The following PSME4 variants were observed in gnomAD, a reference collection of about 807,000 sequenced individuals.
PSME4 encodes proteasome activator subunit 4.
PSME4 carries 89 observed loss-of-function variants against 253.9 expected under a neutral mutation model. The observed-to-expected ratio is 0.35, with a 90% CI of 0.30 to 0.42. The LOEUF (loss-of-function observed/expected upper bound fraction) is 0.42, where lower values mean the gene tolerates loss of function less well. Ranked by LOEUF, PSME4 falls within the 10% of genes least tolerant of loss-of-function variation. PSME4 has a pLI of 1.00. For missense variants in PSME4, 2,014 were observed against 2,195.2 expected, an observed-to-expected ratio of 0.92 and a Z score of 1.65; for synonymous variants, 851 against 759.2, an observed-to-expected ratio of 1.12 and a Z score of -1.99.
intron 1 of PSME4, among the ~76,000 whole-genome samples, chr2:53,959,473 C>T (rs755996246): frequency 7.9e-5 from 12 of 152,166 alleles, no homozygotes; most frequent in Non-Finnish European, 1.2e-4. Context: ...CTCTGAACGA[C>T]CCCCTCAATT....
At chr2:53,889,287 T>C (rs1679788422) in intron 37 of PSME4, among the ~76,000 whole-genome samples, 1 of 152,234 alleles carries the variant, frequency 6.6e-6, no homozygotes, top group Non-Finnish European at 1.5e-5. Flanking sequence ...AAGTCTGTTA[T>C]GAAAATGGTG....
chr2:53,963,409 G>A (rs536953009), intron 1 of PSME4, among the ~76,000 whole-genome samples: 2 of 152,136 alleles, frequency 1.3e-5, no homozygotes, highest in South Asian at 4.2e-4. Context: ...CATCCCAAAC[G>A]CCAAAACCAG....
intron 37 of PSME4, among the ~76,000 whole-genome samples, chr2:53,889,122 C>T (rs191162590): frequency 6.6e-6 from 1 of 152,264 alleles, no homozygotes; most frequent in East Asian, 1.9e-4. Flanking sequence ...GCCTCGGCCT[C>T]CCAAAGTTCT....
chr2:53,917,197 C>G (rs1029958757), intron 20 of PSME4: 1 of 155,780 alleles, frequency 6.4e-6, no homozygotes, highest in African/African-American at 2.4e-5. Context: ...AACGCAAAAC[C>G]TTTCAGGCTA....
chr2:53,871,128 T>G (rs1012448800), intron 43 of PSME4, among the ~76,000 whole-genome samples: 1 of 152,226 alleles, frequency 6.6e-6, no homozygotes, highest in African/African-American at 2.4e-5. Context: ...ACATTTTTGT[T>G]TTGTGAAGGG....
At chr2:53,883,497 G>T (rs1192125533) in intron 41 of PSME4, among the ~76,000 whole-genome samples, 1 of 152,072 alleles carries the variant, frequency 6.6e-6, no homozygotes, top group Admixed American at 6.6e-5. Context: ...GCGGTGGGGG[G>T]GTGCGGGGTC....
At position 53,925,469 on chromosome 2, in the gene PSME4, T is replaced by C. The variant is rs1366312793; in HGVS notation, c.1809+70A>G. 56 of 1,347,846 alleles carry C rather than the reference T, an allele frequency of 4.2e-5. No individual in the cohort carries two copies. In the Middle Eastern group the frequency reaches 6.0e-4, roughly 15 times the overall value. The allele number at this position is 1,347,846 out of a possible 1,614,324, so 83.5% of individuals were successfully genotyped here. ...ACTGCATGATATACACAAAGTAACT[T>C]GAAGTCAATTTTAAAACATCAAATG... is the stretch of plus-strand genomic sequence containing the variant. On this transcript the variant is annotated intron_variant, in intron 14 of 46. Transcript: ENST00000404125.
intron 21 of PSME4, 29 bp from the exon 22 acceptor site, chr2:53,908,869 T>G: frequency 6.6e-7 from 1 of 1,521,704 alleles, no homozygotes; most frequent in South Asian, 1.1e-5. Flanking sequence ...AGAAGGTATT[T>G]TAGACACTGA....
Position 53,919,230 on chromosome 2 carries a change from T to A in PSME4, c.2437A>T (p.Ser813Cys). 8 of 1,590,410 alleles carry A rather than the reference T, an allele frequency of 5.0e-6. No homozygotes were observed. The highest frequency in any genetic ancestry group is 6.8e-6 in the Non-Finnish European group (8 of 1,172,676). ...AAACAGTTGTGCACTATAGTCAGAC[T>A]CTGTAGAATATCATCTCTAGAAAAA... ...LEMSRDDILQ[S>C]LTIVHNCLIG... Residue 813 changes from serine (S) to cysteine (C), a missense_variant, in exon 20 of 47, where the codon AGT (serine) becomes TGT (cysteine). By Grantham distance (112) the Ser-to-Cys change is moderately radical (BLOSUM62 -1). Transcript: ENST00000404125.
intron 37 of PSME4, 99 bp from the exon 38 acceptor site, chr2:53,888,911 G>C (rs1254903137): frequency 1.0e-6 from 1 of 953,328 alleles, no homozygotes; most frequent in Non-Finnish European, 1.6e-6. Context: ...TTGAGGCTAG[G>C]TCTAACTCTG....
At chr2:53,877,408 GTC>G (rs1679187543) in intron 41 of PSME4, among the ~76,000 whole-genome samples, 1 of 151,544 alleles carries the variant, frequency 6.6e-6, no homozygotes, top group African/African-American at 2.4e-5. Context: ...GTGATACCCT[GTC>G]TCTTAAAAAA....
chr2:53,919,417 T>C (rs539340846), intron 19 of PSME4, among the ~76,000 whole-genome samples, 171 bp from the exon 20 acceptor site: 4 of 152,324 alleles, frequency 2.6e-5, no homozygotes, highest in South Asian at 4.1e-4. Flanking sequence ...TATATATTTA[T>C]TGCTAACACT....
chr2:53,964,186 G>A (rs999785305), intron 1 of PSME4, among the ~76,000 whole-genome samples: 4 of 151,724 alleles, frequency 2.6e-5, no homozygotes, highest in African/African-American at 9.7e-5. Flanking sequence ...AAACAGTAAG[G>A]GCCTCAAATA....
Position 53,895,588 on chromosome 2 carries a change from C to A in PSME4, c.3837G>T (p.Trp1279Cys). The A allele has an allele frequency of 6.2e-7, 1 of 1,608,240 alleles. No individual in the cohort carries two copies. ...VEKTHWGYYT[W>C]PKNMVVYAGV... The stretch of plus-strand genomic sequence containing the variant: ...GTGCACAGTAAGTTACTTACTTTGG[C>A]CAGGTGTAGTATCCCCAGTGAGTTT... Residue 1279 changes from tryptophan to cysteine, a missense_variant, in exon 33 of 47, where the codon TGG becomes TGT. Physicochemically the swap from Trp to Cys is radical, Grantham distance 215. Around this residue, in one of 4 missense-constraint regions of PSME4, gnomAD observed 989 missense variants for 1,021.1 expected, o/e 0.97. Transcript: ENST00000404125.
intron 33 of PSME4, among the ~76,000 whole-genome samples, 163 bp downstream of exon 33, chr2:53,895,420 A>C (rs1680096025): frequency 6.6e-6 from 1 of 152,224 alleles, no homozygotes; most frequent in African/African-American, 2.4e-5. Flanking sequence ...GGAAAGAGGC[A>C]GGAATGAGGC....
At position 53,932,119 on chromosome 2, in the gene PSME4, A is replaced by G. The variant is rs1161350654; in HGVS notation, c.1051-19T>C. The stretch of plus-strand genomic sequence containing the variant: ...ACTTGTTCTGGGGACACAGAAGCAA[A>G]AAGTTCTAAGTAGGTTCTACTTTGC... On this transcript the variant is annotated intron_variant, in intron 9 of 46. Coordinates refer to ENST00000404125, the MANE Select transcript of PSME4 (RefSeq NM_014614.3). 6.2e-7 allele frequency: 1 copy of G among 1,608,832 alleles called. No homozygotes were observed. The highest frequency in any genetic ancestry group is 8.5e-7 in the Non-Finnish European group (1 of 1,176,740).
At position 53,947,866 on chromosome 2, in the gene PSME4, A is replaced by G. The variant is rs953825144; in HGVS notation, c.500+555T>C. 2.0e-5 allele frequency among the ~76,000 whole-genome samples: 3 copies of G among 151,286 alleles called. No homozygotes were observed. In the South Asian group the frequency reaches 6.2e-4, roughly 32 times the overall value. On this transcript the variant is annotated intron_variant, in intron 3 of 46. Transcript: ENST00000404125. ...CCCCATCTCTACTAAAAATACAAAC[A>G]TTAGCTGGGTATGGTGGTGCATGCC...
At chr2:53,871,326 C>T (rs1377161407) in intron 43 of PSME4, among the ~76,000 whole-genome samples, 1 of 152,062 alleles carries the variant, frequency 6.6e-6, no homozygotes, top group Admixed American at 6.5e-5. Flanking sequence ...TCTTGGCTCA[C>T]TGCAAGCTCC....
intron 1 of PSME4, among the ~76,000 whole-genome samples, chr2:53,961,907 G>A (rs1005961130): frequency 1.3e-5 from 2 of 152,176 alleles, no homozygotes; most frequent in Admixed American, 6.5e-5. Context: ...TTGCTAGAAC[G>A]GGACCTCACA....
Sources: allele counts gnomAD v4.1 joint callset (sites outside exome capture counted in the v4.1 genomes callset), GRCh38; gene constraint gnomAD v4.1.1; regional missense constraint gnomAD v4.1.1; transcripts MANE v1.5; gene names NCBI Gene and HGNC (gene_info 2026-07-23, HGNC 2026-07-21).